SPANXN1: variants seen among roughly 807,000 people sequenced by gnomAD.
The protein encoded by SPANXN1 is sperm protein associated with the nucleus on the X chromosome N1.
Under a neutral mutation model 2.0 loss-of-function variants are expected in SPANXN1, and 1 was observed. The ratio of observed to expected loss-of-function variants is 0.50; its 90% CI spans 0.18 to 2.36. The LOEUF (loss-of-function observed/expected upper bound fraction) is 2.36. SPANXN1 is among the 30% of genes most tolerant of loss of function. The probability of loss-of-function intolerance (pLI) is 0.26; values close to 1 mark genes in which losing one functional copy is unlikely to be tolerated. For synonymous variants in SPANXN1, 27 were observed against 21.3 expected, an observed-to-expected ratio of 1.27 and a Z score of -0.74; for missense variants, 55 against 51.8, an observed-to-expected ratio of 1.06 and a Z score of -0.19.
chrX:145,253,220 C>T (rs1341401806), intron 1 of SPANXN1, among the ~76,000 whole-genome samples: 3 of 111,037 alleles, frequency 2.7e-5, no homozygotes, highest in South Asian at 3.9e-4. Context: ...CCGTGTTGGA[C>T]GCACTTATAA....
At chrX:145,253,241 G>T (rs1281584776) in intron 1 of SPANXN1, among the ~76,000 whole-genome samples, 1 of 111,035 alleles carries the variant, frequency 9.0e-6, no homozygotes, top group Admixed American at 9.6e-5. Context: ...CAGGCTCCTG[G>T]AGTTGACTGT....
At chrX:145,252,162 C>A (rs1156420087) in intron 1 of SPANXN1, among the ~76,000 whole-genome samples, 3 of 111,616 alleles carry the variant, frequency 2.7e-5, no homozygotes, top group African/African-American at 6.5e-5. Context: ...TGGGGGCTAT[C>A]CTGGAACCCC....
chrX:145,249,529 T>G (rs1417214818), intron 1 of SPANXN1, among the ~76,000 whole-genome samples: 1 of 111,244 alleles, frequency 9.0e-6, no homozygotes, highest in Non-Finnish European at 1.9e-5. Flanking sequence ...GGCTAGGGTG[T>G]TCTGGATTGG....
rs201576450 is a variant in SPANXN1 at position 145,255,557 on chromosome X, C to A, written c.76-114C>A. 0.031 allele frequency: 33,049 copies of A among 1,072,543 alleles called. 4,736 individuals are homozygous for A. The African/African-American group carries it at 0.46, about 15-fold the overall frequency. 88.4% of individuals were successfully genotyped at this position (1,072,543 alleles called of 1,213,427 possible). On this transcript the variant is annotated intron_variant, in intron 1 of 1. Coordinates refer to ENST00000370493, the MANE Select transcript of SPANXN1 (RefSeq NM_001009614.3). The stretch of plus-strand genomic sequence containing the variant: ...ATGATTCAACCTTGTTCTTCTCTGG[C>A]ACACACCCCTTCCTCCACCTGCATT...
chrX:145,254,855 G>A (rs1275362939), intron 1 of SPANXN1, among the ~76,000 whole-genome samples: 1 of 111,686 alleles, frequency 9.0e-6, no homozygotes, highest in Non-Finnish European at 1.9e-5. Context: ...ATATCTGGAG[G>A]TTATCCCAGG....
intron 1 of SPANXN1, among the ~76,000 whole-genome samples, chrX:145,249,416 A>G (rs2070776142): frequency 9.0e-6 from 1 of 111,000 alleles, no homozygotes. Context: ...TTAGTGTGAG[A>G]AATTGGCATA....
At chrX:145,249,428 A>G (rs782659565) in intron 1 of SPANXN1, among the ~76,000 whole-genome samples, 11 of 111,002 alleles carry the variant, frequency 9.9e-5, no homozygotes, top group African/African-American at 9.8e-5. Flanking sequence ...ATTGGCATAG[A>G]CTATCCAGGG....
At chrX:145,255,515 C>T (rs191043052) in intron 1 of SPANXN1, among the ~76,000 whole-genome samples, 156 bp from the exon 2 acceptor site, 2 of 110,175 alleles carry the variant, frequency 1.8e-5, no homozygotes, top group Admixed American at 9.6e-5. Flanking sequence ...TTCTTCTTCC[C>T]CATAGATCCC....
chrX:145,249,545 T>C (rs1270523972), intron 1 of SPANXN1, among the ~76,000 whole-genome samples: 4 of 111,512 alleles, frequency 3.6e-5, no homozygotes, highest in Non-Finnish European at 7.5e-5. Flanking sequence ...ATTGGCAAAT[T>C]CTGGAATTCT....
chrX:145,247,799 G>A (rs782789214), intron 1 of SPANXN1, 138 bp downstream of exon 1: 15 of 772,079 alleles, frequency 1.9e-5, no homozygotes, highest in Admixed American at 1.1e-4. Context: ...GCCCACCGCC[G>A]CTTACAGCCT....
chrX:145,249,691 T>C (rs2070777507), intron 1 of SPANXN1, among the ~76,000 whole-genome samples: 1 of 110,833 alleles, frequency 9.0e-6, no homozygotes, highest in South Asian at 3.9e-4. Flanking sequence ...GCTTTGGCGC[T>C]GTGGGAGTAG....
chrX:145,254,447 TC>T (rs1399655431), intron 1 of SPANXN1, among the ~76,000 whole-genome samples: 2 of 111,867 alleles, frequency 1.8e-5, no homozygotes, highest in Non-Finnish European at 3.8e-5. Flanking sequence ...AGAGTGAATA[TC>T]CCAGAGCGGA....
intron 1 of SPANXN1, among the ~76,000 whole-genome samples, chrX:145,253,607 A>G (rs1191285458): frequency 9.0e-6 from 1 of 111,170 alleles, no homozygotes; most frequent in Admixed American, 9.6e-5. Flanking sequence ...AAGGCATGAT[A>G]TGATATGGCC....
intron 1 of SPANXN1, among the ~76,000 whole-genome samples, chrX:145,250,331 C>A (rs1482787912): frequency 1.8e-5 from 2 of 110,984 alleles, no homozygotes; most frequent in Non-Finnish European, 3.8e-5. Flanking sequence ...ATAGGAATCA[C>A]TTTCTGGGGG....
chrX:145,254,278 G>A (rs1556882826), intron 1 of SPANXN1, among the ~76,000 whole-genome samples: 2 of 112,081 alleles, frequency 1.8e-5, no homozygotes, highest in Non-Finnish European at 3.8e-5. Flanking sequence ...AGCTGTGAAC[G>A]AAGATAAGCA....
At chrX:145,248,915 C>T (rs1297812277) in intron 1 of SPANXN1, among the ~76,000 whole-genome samples, 2 of 111,625 alleles carry the variant, frequency 1.8e-5, no homozygotes, top group South Asian at 3.8e-4. Flanking sequence ...GAGTTGGATA[C>T]ATGAAGAGTG....
intron 1 of SPANXN1, among the ~76,000 whole-genome samples, chrX:145,254,575 G>A (rs782007709): frequency 1.7e-4 from 19 of 112,479 alleles, no homozygotes; most frequent in African/African-American, 5.2e-4. Flanking sequence ...CCCAGAGGCC[G>A]GAGCGGCCAG....
chrX:145,253,662 G>T (rs1401402437), intron 1 of SPANXN1, among the ~76,000 whole-genome samples: 1 of 110,939 alleles, frequency 9.0e-6, no homozygotes, highest in African/African-American at 3.3e-5. Flanking sequence ...TTCCAATTGG[G>T]GTCAGTTCTG....
rs2070767109 is a variant in SPANXN1, at chrX:145,247,614, G to A, written c.28G>A (p.Gly10Arg). 2 of 1,210,843 alleles carry A rather than the reference G, an allele frequency of 1.7e-6. No homozygotes were observed. The highest frequency in any genetic ancestry group is 4.6e-4 in the Middle Eastern group (2 of 4,349). Residue 10 changes from glycine to arginine, a missense_variant, in exon 1 of 2, where the codon GGG (glycine) becomes AGG (arginine). Gly to Arg is a moderately radical substitution (Grantham distance 125). Transcript: ENST00000370493. MEQPTSSIN[G>R]EKRKSPCESN... ...GGAACAGCCCACTTCAAGCATCAAT[G>A]GGGAGAAGAGGAAGAGCCCCTGTGA...
Sources: gnomAD v4.1 joint callset for allele counts (sites outside exome capture counted in the v4.1 genomes callset) on GRCh38, gnomAD v4.1.1 for gene constraint, MANE v1.5 for transcripts, NCBI Gene and HGNC (gene_info 2026-07-23, HGNC 2026-07-21) for gene names.